METTL9: variants seen among roughly 807,000 people sequenced by gnomAD.
The protein encoded by METTL9 is methyltransferase 9, His-X-His N1(pi)-histidine.
A neutral mutation model predicts 36.0 loss-of-function variants in METTL9; 10 were observed. The observed-to-expected ratio is 0.28, with a 90% confidence interval of 0.17 to 0.47. The LOEUF (loss-of-function observed/expected upper bound fraction) is 0.47, where lower values mean the gene tolerates loss of function less well. METTL9 is among the 20% of genes least tolerant of loss of function. The pLI is 0.99. For missense variants in METTL9, 246 were observed against 383.5 expected (o/e 0.64, Z 3.00); for synonymous variants, 175 against 149.7 (o/e 1.17, Z -1.23).
chr16:21,624,835 G>A, intron 3 of METTL9, 96 bp from the exon 4 acceptor site: 2 of 1,072,756 alleles, frequency 1.9e-6, no homozygotes, highest in Non-Finnish European at 2.8e-6. Context: ...ACTTAATTTA[G>A]AAGACAAAGT....
chr16:21,597,552 C>A (rs1964975076), upstream of METTL9, among the ~76,000 whole-genome samples: 1 of 152,198 alleles, frequency 6.6e-6, no homozygotes, highest in African/African-American at 2.4e-5. Context: ...CTACAGCAGC[C>A]ATCTACTTGC....
At position 21,656,645 on chromosome 16, in the gene METTL9, AAT is replaced by A. The variant is rs1476123887; in HGVS notation, c.*1216_*1217del. The A allele has an allele frequency of 6.6e-6, 1 of 152,170 alleles. No homozygotes were observed. The highest frequency in any genetic ancestry group is 1.5e-5 in the Non-Finnish European group (1 of 68,028). The allele number at this position is 152,170 out of a possible 1,614,324, so 9.4% of individuals were successfully genotyped here. A position where few individuals can be genotyped will look rare whatever the true frequency, so the allele number is the denominator to read the frequency against. ...TCAATATGAGATTGTGGTTATTAAC[AAT>A]ATGTTATCCTCACTACTTTATTTCT... On this transcript the variant is annotated 3_prime_UTR_variant, in exon 5 of 5. Coordinates refer to ENST00000358154, the MANE Select transcript of METTL9 (RefSeq NM_016025.5).
Position 21,655,618 on chromosome 16 carries a change from C to T in METTL9, c.*186C>T. Reference sequence around the variant, plus strand: ...TGTGTAAAGGAATGTTTTTAAAAGACAAAAACCCAACTCTTTGTGGATTTT... The same window carrying T: ...TGTGTAAAGGAATGTTTTTAAAAGATAAAAACCCAACTCTTTGTGGATTTT... On this transcript the variant is annotated 3_prime_UTR_variant, in exon 5 of 5. Transcript: ENST00000358154. The T allele has an allele frequency of 1.8e-6, 1 of 564,910 alleles. No individual in the cohort carries two copies. Among genetic ancestry groups the T allele is most frequent in the East Asian group, 3.0e-5 (1 of 33,600 alleles). 35.0% of individuals were successfully genotyped at this position (564,910 alleles called of 1,614,324 possible).
intron 4 of METTL9, among the ~76,000 whole-genome samples, chr16:21,638,600 A>G (rs1451530259): frequency 1.3e-5 from 2 of 152,250 alleles, no homozygotes; most frequent in African/African-American, 4.8e-5. Flanking sequence ...AACACAGAAT[A>G]GTACACAATA....
chr16:21,600,278 C>G (rs546696026), intron 1 of METTL9, among the ~76,000 whole-genome samples: 28 of 152,322 alleles, frequency 1.8e-4, no homozygotes, highest in African/African-American at 6.0e-4. Flanking sequence ...AGGCCTGAGA[C>G]TGAAGAGACC....
At chr16:21,618,179 C>T in intron 3 of METTL9, 105 bp downstream of exon 3, 1 of 888,218 alleles carries the variant, frequency 1.1e-6, no homozygotes, top group South Asian at 2.0e-5. Context: ...AAAATCATCT[C>T]ATACATAATT....
chr16:21,614,924 G>A (rs1965515555), intron 2 of METTL9, among the ~76,000 whole-genome samples: 1 of 152,108 alleles, frequency 6.6e-6, no homozygotes, highest in Admixed American at 6.6e-5. Context: ...GGGAAACTTT[G>A]TATTGGGCTC....
intron 3 of METTL9, among the ~76,000 whole-genome samples, chr16:21,619,213 A>G (rs753304486): frequency 3.3e-5 from 5 of 152,028 alleles, no homozygotes; most frequent in Non-Finnish European, 1.5e-5. Context: ...TCACATGGCT[A>G]AGTCTGGGTT....
At chr16:21,630,187 C>T (rs1042558831) in intron 4 of METTL9, among the ~76,000 whole-genome samples, 24 of 152,352 alleles carry the variant, frequency 1.6e-4, no homozygotes, top group South Asian at 4.1e-4. Flanking sequence ...CGGGACTTTG[C>T]GGCACCTAGC....
chr16:21,602,920 A>AAG (rs1965175650), intron 1 of METTL9, among the ~76,000 whole-genome samples: 1 of 152,126 alleles, frequency 6.6e-6, no homozygotes, highest in African/African-American at 2.4e-5. Context: ...GGGCCTCCCA[A>AAG]AGTGCTGGGA....
chr16:21,627,410 A>C, intron 4 of METTL9: 5 of 983,214 alleles, frequency 5.1e-6, no homozygotes, highest in Non-Finnish European at 6.0e-6. Context: ...AAATGAAAAA[A>C]ATACCATTCT....
intron 2 of METTL9, among the ~76,000 whole-genome samples, chr16:21,615,989 G>A (rs1339532505): frequency 6.6e-6 from 1 of 152,184 alleles, no homozygotes; most frequent in Non-Finnish European, 1.5e-5. Context: ...TATGGGGGCA[G>A]AAGATTTACT....
intron 4 of METTL9, among the ~76,000 whole-genome samples, chr16:21,626,277 A>G (rs1258891777): frequency 6.6e-6 from 1 of 152,192 alleles, no homozygotes; most frequent in Non-Finnish European, 1.5e-5. Flanking sequence ...GCTCACAGAC[A>G]TTTTGAAGAA....
intron 4 of METTL9, among the ~76,000 whole-genome samples, chr16:21,649,633 C>G (rs1966517386): frequency 1.3e-5 from 2 of 152,196 alleles, no homozygotes; most frequent in African/African-American, 4.8e-5. Context: ...GTCTCAGTCT[C>G]AAGTCATCTT....
intron 4 of METTL9, among the ~76,000 whole-genome samples, chr16:21,631,046 C>G (rs185884694): frequency 3.9e-5 from 6 of 152,272 alleles, no homozygotes; most frequent in Non-Finnish European, 7.4e-5. Context: ...TTTGGAGAGT[C>G]ACTATTGCCA....
At chr16:21,643,194 A>G in intron 4 of METTL9, 1 of 1,458,068 alleles carries the variant, frequency 6.9e-7, no homozygotes, top group Non-Finnish European at 9.5e-7. Flanking sequence ...TCTTTTGGGA[A>G]TATAAGCGAT....
At chr16:21,604,925 C>T (rs1442668861) in intron 1 of METTL9, among the ~76,000 whole-genome samples, 1 of 152,158 alleles carries the variant, frequency 6.6e-6, no homozygotes, top group East Asian at 1.9e-4. Context: ...TTGAACTGTA[C>T]TTCTCCTCTG....
chr16:21,602,506 G>A lies in METTL9; in HGVS notation c.165+2608G>A, dbSNP rs144013860. On this transcript the variant is annotated intron_variant, in intron 1 of 4. Coordinates refer to ENST00000358154, the MANE Select transcript of METTL9 (RefSeq NM_016025.5). ...TTCACTTAGAGCAGGGAAGTGGCTGGGAGGCCAGACTGGTCTCACAGACTT... is the reference window on the plus strand; with the variant it reads ...TTCACTTAGAGCAGGGAAGTGGCTGAGAGGCCAGACTGGTCTCACAGACTT... 1.6e-3 allele frequency among the ~76,000 whole-genome samples: 247 copies of A among 152,120 alleles called. 1 individual carries two copies. The highest frequency in any genetic ancestry group is 5.8e-3 in the African/African-American group (239 of 41,494).
chr16:21,650,943 G>A (rs1966556588), intron 4 of METTL9, among the ~76,000 whole-genome samples: 1 of 152,202 alleles, frequency 6.6e-6, no homozygotes, highest in African/African-American at 2.4e-5. Flanking sequence ...CCATATTGAG[G>A]CTGGGCATGG....
Sources: allele counts gnomAD v4.1 joint callset (sites outside exome capture counted in the v4.1 genomes callset), GRCh38; gene constraint gnomAD v4.1.1; transcripts MANE v1.5; gene names NCBI Gene and HGNC (gene_info 2026-07-23, HGNC 2026-07-21).